EPHA6: variants seen among roughly 807,000 people sequenced by gnomAD.
EPHA6 encodes the protein ephrin type-A receptor 6.
A neutral mutation model predicts 112.0 loss-of-function variants in EPHA6; 50 were observed. That is an observed-to-expected ratio of 0.45 (90% confidence interval 0.36 to 0.56). EPHA6 has a LOEUF of 0.56. Among genes scored for constraint, EPHA6 ranks in the 20% least tolerant of loss-of-function variants. The pLI is 0.00. For missense variants in EPHA6, 1,280 were observed against 1,417.4 expected (o/e 0.90, Z 1.56); for synonymous variants, 529 against 490.7 (o/e 1.08, Z -1.03).
intron 14 of EPHA6, among the ~76,000 whole-genome samples, chr3:97,664,594 C>G (rs1030383891): frequency 6.6e-6 from 1 of 152,186 alleles, no homozygotes; most frequent in African/African-American, 2.4e-5. Flanking sequence ...CCCAAAATCT[C>G]CTTAAGCTGA....
intron 1 of EPHA6, among the ~76,000 whole-genome samples, chr3:96,823,972 T>A (rs1441309359): frequency 6.6e-6 from 1 of 151,822 alleles, no homozygotes; most frequent in South Asian, 2.1e-4. Context: ...ATTTTTACGA[T>A]ACCATAGTAG....
At chr3:97,669,037 GC>G (rs1416422148) in intron 14 of EPHA6, among the ~76,000 whole-genome samples, 2 of 144,790 alleles carry the variant, frequency 1.4e-5, no homozygotes, top group Non-Finnish European at 3.0e-5. Flanking sequence ...AGTATAAATA[GC>G]CAACTCAGTT....
chr3:97,532,220 A>G (rs2092703402), intron 10 of EPHA6, 138 bp from the exon 11 acceptor site: 2 of 695,368 alleles, frequency 2.9e-6, no homozygotes, highest in Admixed American at 6.9e-5. Flanking sequence ...CTTACTCTTT[A>G]AGAAAGAAAT....
chr3:96,853,363 A>G (rs1358866128), intron 1 of EPHA6, among the ~76,000 whole-genome samples: 1 of 152,012 alleles, frequency 6.6e-6, no homozygotes, highest in East Asian at 1.9e-4. Flanking sequence ...TGGGATCCCT[A>G]TATTTAACTT....
chr3:97,635,681 A>G (rs1192032031), intron 13 of EPHA6, among the ~76,000 whole-genome samples: 1 of 152,054 alleles, frequency 6.6e-6, no homozygotes, highest in Admixed American at 6.6e-5. Context: ...GCTAGTAAAG[A>G]TGGGCCTTTT....
chr3:97,611,241 C>T (rs2093717732), intron 13 of EPHA6, among the ~76,000 whole-genome samples: 2 of 151,752 alleles, frequency 1.3e-5, no homozygotes, highest in South Asian at 4.1e-4. Context: ...ATGCTGAACT[C>T]CTTAACTGAT....
At chr3:97,104,857 T>A (rs1329157198) in intron 3 of EPHA6, among the ~76,000 whole-genome samples, 3 of 152,124 alleles carry the variant, frequency 2.0e-5, no homozygotes, top group African/African-American at 7.2e-5. Context: ...AGTTGCTTCC[T>A]GCTTCAATCT....
At chr3:96,893,551 A>ATT (rs1222565617) in intron 2 of EPHA6, among the ~76,000 whole-genome samples, 11 of 152,328 alleles carry the variant, frequency 7.2e-5, no homozygotes, top group Non-Finnish European at 1.3e-4. Flanking sequence ...TGATTATTGC[A>ATT]CACCAGTCAG....
chr3:97,550,021 A>G (rs1396155444), intron 11 of EPHA6, among the ~76,000 whole-genome samples: 2 of 152,132 alleles, frequency 1.3e-5, no homozygotes, highest in Admixed American at 6.6e-5. Context: ...GCTGATTGTG[A>G]AGGAAAATTA....
chr3:97,555,121 C>T (rs1369239957), intron 11 of EPHA6, among the ~76,000 whole-genome samples: 1 of 151,022 alleles, frequency 6.6e-6, no homozygotes, highest in East Asian at 1.9e-4. Context: ...TGATGTTCCC[C>T]TTCCTGTGTC....
At chr3:97,054,088 T>G (rs1024216242) in intron 3 of EPHA6, among the ~76,000 whole-genome samples, 1 of 151,170 alleles carries the variant, frequency 6.6e-6, no homozygotes, top group South Asian at 2.1e-4. Flanking sequence ...ACATATGAGA[T>G]GACAAAATTC....
intron 5 of EPHA6, among the ~76,000 whole-genome samples, chr3:97,344,217 G>A (rs759039301): frequency 1.2e-4 from 19 of 152,138 alleles, no homozygotes; most frequent in Non-Finnish European, 1.9e-4. Flanking sequence ...TAAGATTTGT[G>A]AAATTTGGGG....
rs1017170422 is a variant in EPHA6, at chr3:97,393,995, A to C, written c.1607-11155A>C. On this transcript the variant is annotated intron_variant, in intron 5 of 17. Coordinates refer to ENST00000389672, the MANE Select transcript of EPHA6 (RefSeq NM_001080448.3). ...TATTGATGGACAGTCAGGTTGATTC[A>C]GTCTCTTGGCAATTGTGAATAGTAT... Among the ~76,000 whole-genome samples, 3 of 151,796 alleles carry C rather than the reference A, an allele frequency of 2.0e-5. No individual in the cohort carries two copies. The Admixed American group carries it at 2.0e-4, about 10-fold the overall frequency.
chr3:97,477,653 G>A (rs540414156), intron 8 of EPHA6, among the ~76,000 whole-genome samples: 79 of 152,256 alleles, frequency 5.2e-4, no homozygotes, highest in Admixed American at 9.2e-4. Flanking sequence ...GCATTGCTAC[G>A]TGTTTAGTAA....
chr3:97,185,170 C>G (rs1576638974), intron 3 of EPHA6, among the ~76,000 whole-genome samples: 1 of 152,144 alleles, frequency 6.6e-6, no homozygotes, highest in Non-Finnish European at 1.5e-5. Flanking sequence ...GACTTCATGT[C>G]TAAAACACCA....
chr3:97,585,606 A>AT (rs1001579247), intron 11 of EPHA6, among the ~76,000 whole-genome samples: 3 of 151,794 alleles, frequency 2.0e-5, no homozygotes, highest in African/African-American at 7.3e-5. Flanking sequence ...TACCTGAAGG[A>AT]TTTTTTTAAG....
chr3:97,033,186 T>C (rs553006035), intron 3 of EPHA6, among the ~76,000 whole-genome samples: 1 of 152,124 alleles, frequency 6.6e-6, no homozygotes, highest in Non-Finnish European at 1.5e-5. Context: ...TGAGATGGCT[T>C]AGGGTATAAC....
chr3:96,981,805 T>C (rs2042800724), intron 2 of EPHA6, among the ~76,000 whole-genome samples: 1 of 152,178 alleles, frequency 6.6e-6, no homozygotes. Context: ...GTCAAGAAAT[T>C]TATCCATTTC....
intron 14 of EPHA6, among the ~76,000 whole-genome samples, chr3:97,694,744 G>C (rs2032918079): frequency 6.6e-6 from 1 of 152,200 alleles, no homozygotes; most frequent in Non-Finnish European, 1.5e-5. Flanking sequence ...TAGTGTCAGA[G>C]TTGTGGATAT....
Sources: allele counts gnomAD v4.1 joint callset (sites outside exome capture counted in the v4.1 genomes callset), GRCh38; gene constraint gnomAD v4.1.1; transcripts MANE v1.5; gene names NCBI Gene and HGNC (gene_info 2026-07-23, HGNC 2026-07-21).